The following GIGYF2 variants were observed in gnomAD, a reference collection of about 807,000 sequenced individuals.
The protein encoded by GIGYF2 is GRB10 interacting GYF protein 2, also known as GRB10-interacting GYF protein 2.
A neutral mutation model predicts 208.1 loss-of-function variants in GIGYF2; 25 were observed. That is an observed-to-expected ratio of 0.12 (90% confidence interval 0.09 to 0.17). GIGYF2 has a LOEUF of 0.17. Ranked by LOEUF, GIGYF2 falls within the 10% of genes least tolerant of loss-of-function variation. The probability of loss-of-function intolerance (pLI) is 1.00; values close to 1 mark genes in which losing one functional copy is unlikely to be tolerated. For synonymous variants in GIGYF2, 534 were observed against 543.8 expected, an observed-to-expected ratio of 0.98 and a Z score of 0.25; for missense variants, 1,302 against 1,579.4, an observed-to-expected ratio of 0.82 and a Z score of 2.98.
At chr2:232,836,296 A>T (rs13011635) in intron 22 of GIGYF2, among the ~76,000 whole-genome samples, 3,127 of 18,692 alleles carry the variant, frequency 0.17, 323 homozygotes, top group Non-Finnish European at 0.24. Context: ...ATATATATAT[A>T]TATATATATA....
chr2:232,794,635 G>A, intron 12 of GIGYF2, 113 bp from the exon 13 acceptor site: 2 of 817,716 alleles, frequency 2.4e-6, no homozygotes, highest in South Asian at 2.7e-5. Context: ...TTCATGACAG[G>A]GCTCACGTTT....
intron 14 of GIGYF2, among the ~76,000 whole-genome samples, chr2:232,796,560 TG>T (rs1700228946): frequency 6.6e-6 from 1 of 152,218 alleles, no homozygotes; most frequent in Non-Finnish European, 1.5e-5. Context: ...AGTCAACCTA[TG>T]TAAAAATAAT....
intron 2 of GIGYF2, among the ~76,000 whole-genome samples, chr2:232,732,486 G>A (rs10205801): frequency 0.54 from 81,555 of 151,852 alleles, 21,961 homozygotes; most frequent in South Asian, 0.71. Context: ...TTAAAACAGC[G>A]GTTTAAAAAA....
At chr2:232,755,677 G>T (rs1698507071) in intron 5 of GIGYF2, among the ~76,000 whole-genome samples, 1 of 152,100 alleles carries the variant, frequency 6.6e-6, no homozygotes, top group Non-Finnish European at 1.5e-5. Flanking sequence ...TTATTTAGAT[G>T]GTTGCTCTTG....
intron 6 of GIGYF2, among the ~76,000 whole-genome samples, chr2:232,757,092 T>C (rs1698576899): frequency 6.6e-6 from 1 of 152,216 alleles, no homozygotes; most frequent in Non-Finnish European, 1.5e-5. Context: ...AGTGAGACCA[T>C]TGTCTCTGCA....
At chr2:232,814,432 G>A (rs1026257725) in intron 18 of GIGYF2, among the ~76,000 whole-genome samples, 2 of 151,334 alleles carry the variant, frequency 1.3e-5, no homozygotes, top group Non-Finnish European at 2.9e-5. Flanking sequence ...GTGTGGTGTC[G>A]GGCACCTGTA....
chr2:232,741,998 TC>T (rs1342364072), intron 3 of GIGYF2, among the ~76,000 whole-genome samples: 1 of 152,140 alleles, frequency 6.6e-6, no homozygotes, highest in Non-Finnish European at 1.5e-5. Flanking sequence ...TCCTTATTCT[TC>T]CTTTCTCCTT....
chr2:232,730,224 G>A, intron 2 of GIGYF2: 1 of 1,128,684 alleles, frequency 8.9e-7, no homozygotes, highest in South Asian at 1.3e-5. Flanking sequence ...TGAGAGCTGA[G>A]GAGCAGCAGA....
chr2:232,824,421 A>C (rs1285384610), intron 21 of GIGYF2, among the ~76,000 whole-genome samples: 1 of 152,248 alleles, frequency 6.6e-6, no homozygotes, highest in Non-Finnish European at 1.5e-5. Context: ...AAACAGCCTT[A>C]TTGCTGATAT....
chr2:232,747,833 T>G, intron 4 of GIGYF2, 89 bp downstream of exon 4: 1 of 1,253,456 alleles, frequency 8.0e-7, no homozygotes, highest in Non-Finnish European at 1.2e-6. Context: ...TGATTTATTT[T>G]ACTAATGTAT....
chr2:232,746,428 T>C (rs369140275), intron 3 of GIGYF2, among the ~76,000 whole-genome samples: 3 of 152,166 alleles, frequency 2.0e-5, no homozygotes, highest in East Asian at 3.8e-4. Flanking sequence ...TCAATGCTTC[T>C]ATTGAATTTT....
intron 2 of GIGYF2, among the ~76,000 whole-genome samples, chr2:232,704,106 A>C (rs1370444162): frequency 6.6e-6 from 1 of 152,096 alleles, no homozygotes. Context: ...TGATCACATT[A>C]GTTATGGACA....
chr2:232,845,461 T>G (rs534105812), intron 25 of GIGYF2, among the ~76,000 whole-genome samples: 1 of 152,308 alleles, frequency 6.6e-6, no homozygotes, highest in South Asian at 2.1e-4. Context: ...TTAGTAAAAT[T>G]AAACAACTTA....
At chr2:232,751,270 AGTGTC>A (rs1698329886) in intron 5 of GIGYF2, among the ~76,000 whole-genome samples, 1 of 152,158 alleles carries the variant, frequency 6.6e-6, no homozygotes, top group African/African-American at 2.4e-5. Flanking sequence ...GCTGTAGTGC[AGTGTC>A]ACAGTCTCGG....
chr2:232,855,008 A>G (rs1690497153), intron 28 of GIGYF2, among the ~76,000 whole-genome samples: 1 of 151,884 alleles, frequency 6.6e-6, no homozygotes, highest in African/African-American at 2.4e-5. Flanking sequence ...CCAATTATAG[A>G]AGTTTTGGAA....
intron 1 of GIGYF2, among the ~76,000 whole-genome samples, chr2:232,702,205 G>A (rs1417768270): frequency 6.6e-6 from 1 of 152,086 alleles, no homozygotes; most frequent in African/African-American, 2.4e-5. Flanking sequence ...CTGGGAGGCT[G>A]AGGTGGGTGG....
chr2:232,716,384 T>G (rs989489008), intron 2 of GIGYF2, among the ~76,000 whole-genome samples: 1 of 144,758 alleles, frequency 6.9e-6, no homozygotes, highest in Non-Finnish European at 1.5e-5. Flanking sequence ...GTTTTTTTTT[T>G]TTTTTTTTTT....
chr2:232,740,084 C>T (rs896258897), intron 3 of GIGYF2, among the ~76,000 whole-genome samples: 8 of 152,038 alleles, frequency 5.3e-5, no homozygotes, highest in Non-Finnish European at 8.8e-5. Flanking sequence ...TGTCACTGCA[C>T]TCCATCCTGA....
rs957750659 is a variant in GIGYF2, at chr2:232,844,223, C to A, written c.3067C>A (p.His1023Asn). ...MQKQQQQQQQ[H>N]QQPNRARNNT... is the part of the protein sequence containing the mutation. ...AAAGCAGCAGCAGCAGCAGCAGCAA[C>A]ACCAGCAACCAAACAGAGCTCGTAA... Residue 1023 changes from histidine to asparagine, a missense_variant, in exon 24 of 29, where the codon CAC (histidine) becomes AAC (asparagine). This residue lies in a region of GIGYF2 where 701 missense variants were observed against 793.0 expected (regional missense o/e 0.88). Coordinates refer to ENST00000373563, the MANE Select transcript of GIGYF2 (RefSeq NM_001103146.3). 4 of 1,566,378 alleles carry A rather than the reference C, an allele frequency of 2.6e-6. No individual in the cohort carries two copies. In the African/African-American group the frequency reaches 5.4e-5, roughly 21 times the overall value.
Sources: allele counts gnomAD v4.1 joint callset (sites outside exome capture counted in the v4.1 genomes callset), GRCh38; gene constraint gnomAD v4.1.1; regional missense constraint gnomAD v4.1.1; transcripts MANE v1.5; gene names NCBI Gene and HGNC (gene_info 2026-07-23, HGNC 2026-07-21).